The following LAMA2 variants were observed in gnomAD, a reference collection of about 807,000 sequenced individuals.
LAMA2 encodes laminin subunit alpha-2.
A neutral mutation model predicts 364.8 loss-of-function variants in LAMA2; 269 were observed. The observed-to-expected ratio is 0.74, with a 90% CI of 0.67 to 0.82. The LOEUF (loss-of-function observed/expected upper bound fraction) is 0.82, where lower values mean the gene tolerates loss of function less well. Among genes scored for constraint, LAMA2 ranks in the 40% least tolerant of loss-of-function variants. LAMA2 has a pLI of 0.00. For synonymous variants in LAMA2, 1,379 were observed against 1,370.6 expected (o/e 1.01, Z -0.14); for missense variants, 3,807 against 3,873.2 (o/e 0.98, Z 0.45).
chr6:129,410,649 CAGAT>C (rs1780487781), intron 40 of LAMA2, among the ~76,000 whole-genome samples: 1 of 151,660 alleles, frequency 6.6e-6, no homozygotes. Context: ...TGATAGATGA[CAGAT>C]AGATGAATGG....
chr6:128,914,345 T>C (rs1778170617), intron 1 of LAMA2, among the ~76,000 whole-genome samples: 1 of 152,312 alleles, frequency 6.6e-6, no homozygotes, highest in African/African-American at 2.4e-5. Flanking sequence ...TTTTGCACTT[T>C]AGAAAATGTC....
intron 41 of LAMA2, among the ~76,000 whole-genome samples, chr6:129,438,381 A>C (rs979809241): frequency 9.2e-5 from 14 of 152,010 alleles, no homozygotes; most frequent in African/African-American, 4.8e-5. Context: ...ATAGGAAGAT[A>C]TCAAATTAAG....
At chr6:129,415,081 A>G (rs1780713985) in intron 40 of LAMA2, among the ~76,000 whole-genome samples, 1 of 152,216 alleles carries the variant, frequency 6.6e-6, no homozygotes, top group African/African-American at 2.4e-5. Flanking sequence ...TCCTGTATAA[A>G]TGATAGACTC....
rs9492169 is a variant in LAMA2 at position 128,974,996 on chromosome 6, C to T, written c.113-74922C>T. 6.6e-4 allele frequency among the ~76,000 whole-genome samples: 100 copies of T among 151,948 alleles called. 1 individual carries two copies. Among genetic ancestry groups the T allele is most frequent in the African/African-American group, 1.9e-3 (79 of 41,444 alleles). On this transcript the variant is annotated intron_variant, in intron 1 of 64. Transcript: ENST00000421865. ...CCTCCGGAGTAGCTGGGACTACAGG[C>T]GCCCACCACCATGCCCAGCTAATTT...
chr6:129,292,776 A>G (rs1405214979), intron 20 of LAMA2: 3 of 982,834 alleles, frequency 3.1e-6, no homozygotes, highest in Non-Finnish European at 3.6e-6. Context: ...TTTTGTTTTT[A>G]TTTTATTTTA....
Position 129,513,682 on chromosome 6 carries a change from A to G in LAMA2, c.8989-691A>G, listed in dbSNP as rs552501071. Reference sequence around the variant, plus strand: ...GTTTCGTTTCTTCACCAGCTTCAAAAGAATTCTGTCATCTCAAATTTCAGG... The same window carrying G: ...GTTTCGTTTCTTCACCAGCTTCAAAGGAATTCTGTCATCTCAAATTTCAGG... On this transcript the variant is annotated intron_variant, in intron 63 of 64. Transcript: ENST00000421865. 4.4e-4 allele frequency among the ~76,000 whole-genome samples: 67 copies of G among 152,294 alleles called. No homozygotes were observed. In the South Asian group the frequency reaches 0.013, roughly 30 times the overall value.
At chr6:129,329,311 C>T (rs1192127549) in intron 29 of LAMA2, among the ~76,000 whole-genome samples, 1 of 152,152 alleles carries the variant, frequency 6.6e-6, no homozygotes, top group African/African-American at 2.4e-5. Context: ...ACCCAACTCT[C>T]ACTTTGCATG....
chr6:129,130,334 A>G lies in LAMA2; in HGVS notation c.640-13567A>G, dbSNP rs766137808. On this transcript the variant is annotated intron_variant, in intron 4 of 64. Coordinates refer to ENST00000421865, the MANE Select transcript of LAMA2 (RefSeq NM_000426.4). ...CTCTGGCCCTAGGCCATGGAGTGAGATAATTGAGACAAGAGAAGTCTGTAT... is the reference window on the plus strand; with the variant it reads ...CTCTGGCCCTAGGCCATGGAGTGAGGTAATTGAGACAAGAGAAGTCTGTAT... 7.7e-4 allele frequency among the ~76,000 whole-genome samples: 117 copies of G among 152,214 alleles called. 1 individual carries two copies. The highest frequency in any genetic ancestry group is 4.3e-4 in the Non-Finnish European group (29 of 68,040).
chr6:128,907,986 C>T (rs1001131038), intron 1 of LAMA2, among the ~76,000 whole-genome samples: 6 of 151,864 alleles, frequency 4.0e-5, no homozygotes, highest in Non-Finnish European at 2.9e-5. Context: ...GGATGAAGCC[C>T]ACTTGATCAT....
chr6:129,179,679 A>C (rs777964581), intron 10 of LAMA2, among the ~76,000 whole-genome samples: 4 of 152,206 alleles, frequency 2.6e-5, no homozygotes, highest in African/African-American at 4.8e-5. Context: ...AAATCATAAA[A>C]GAGAATGAAA....
chr6:128,911,466 G>T (rs990979019), intron 1 of LAMA2, among the ~76,000 whole-genome samples: 37 of 152,062 alleles, frequency 2.4e-4, no homozygotes, highest in African/African-American at 8.9e-4. Flanking sequence ...TGCGCTTCCC[G>T]AGTGAGGCAA....
In LAMA2 at chr6:129,359,322, C is replaced by A. The variant is rs138771054; in HGVS notation, c.4717+5965C>A. 6.7e-4 allele frequency among the ~76,000 whole-genome samples: 100 copies of A among 148,952 alleles called. 1 individual carries two copies. The East Asian group carries it at 0.019, about 29-fold the overall frequency. On this transcript the variant is annotated intron_variant, in intron 32 of 64. Transcript: ENST00000421865. ...AAATATATACATATAAAACACATAT[C>A]ATAAAACATATATATAAAACATAAA...
At chr6:128,895,164 G>C in intron 1 of LAMA2, among the ~76,000 whole-genome samples, 1 of 152,128 alleles carries the variant, frequency 6.6e-6, no homozygotes, top group East Asian at 1.9e-4. Context: ...ATCCAGAAAA[G>C]CTTCTTCTGT....
intron 1 of LAMA2, among the ~76,000 whole-genome samples, chr6:128,957,326 A>G (rs1781213416): frequency 6.6e-6 from 1 of 152,184 alleles, no homozygotes; most frequent in African/African-American, 2.4e-5. Context: ...TGTCTTCAAT[A>G]TACCTACCAT....
intron 12 of LAMA2, among the ~76,000 whole-genome samples, chr6:129,219,370 C>T (rs1783640725): frequency 6.6e-6 from 1 of 151,706 alleles, no homozygotes; most frequent in Non-Finnish European, 1.5e-5. Flanking sequence ...CACTTTTACA[C>T]TGTTGGTGGG....
chr6:129,342,485 A>G lies in LAMA2; in HGVS notation c.4436+18A>G, dbSNP rs184907128. ...AGTAACAAGTAAGATTGAGAAATAT[A>G]ACCATATTTCCCAATCAGAAACGCC... On this transcript the variant is annotated intron_variant, in intron 30 of 64. Transcript: ENST00000421865. 1.0e-4 allele frequency: 169 copies of G among 1,610,862 alleles called. No individual in the cohort carries two copies. The Admixed American group carries it at 2.8e-3, about 27-fold the overall frequency.
intron 1 of LAMA2, among the ~76,000 whole-genome samples, chr6:128,996,682 T>C (rs1394802602): frequency 1.3e-5 from 2 of 152,208 alleles, no homozygotes; most frequent in Non-Finnish European, 2.9e-5. Context: ...TTAGTGTGAA[T>C]GTAAATTAGT....
At chr6:129,298,581 A>G (rs1299467231) in intron 21 of LAMA2, among the ~76,000 whole-genome samples, 1 of 152,204 alleles carries the variant, frequency 6.6e-6, no homozygotes, top group Non-Finnish European at 1.5e-5. Context: ...TATTCCAACA[A>G]TCACTAGTTT....
At chr6:129,141,580 C>G (rs978411039) in intron 4 of LAMA2, among the ~76,000 whole-genome samples, 1 of 152,026 alleles carries the variant, frequency 6.6e-6, no homozygotes, top group African/African-American at 2.4e-5. Context: ...CTGTATTTCT[C>G]TGGTGACTCA....
Sources: allele counts gnomAD v4.1 joint callset (sites outside exome capture counted in the v4.1 genomes callset), GRCh38; gene constraint gnomAD v4.1.1; transcripts MANE v1.5; gene names NCBI Gene and HGNC (gene_info 2026-07-23, HGNC 2026-07-21).